The following EDN3 variants were observed in gnomAD, a reference collection of about 807,000 sequenced individuals.
The protein encoded by EDN3 is endothelin-3.
A neutral mutation model predicts 21.4 loss-of-function variants in EDN3; 9 were observed. That is an observed-to-expected ratio of 0.42 (90% confidence interval 0.25 to 0.73). The LOEUF (loss-of-function observed/expected upper bound fraction) is 0.73, where lower values mean the gene tolerates loss of function less well. Ranked by LOEUF, EDN3 falls within the 30% of genes least tolerant of loss-of-function variation. EDN3 has a pLI of 0.26. For missense variants in EDN3, 327 were observed against 309.4 expected (o/e 1.06, Z -0.43); for synonymous variants, 133 against 126.2 (o/e 1.05, Z -0.36).
intron 2 of EDN3, among the ~76,000 whole-genome samples, chr20:59,320,072 C>T (rs141993985): frequency 1.8e-4 from 27 of 152,342 alleles, no homozygotes; most frequent in Middle Eastern, 3.4e-3. Flanking sequence ...CCAGCTTCCA[C>T]GGGTTTTGCT....
chr20:59,324,225 G>A, intron 4 of EDN3, 106 bp from the exon 5 acceptor site: 2 of 1,400,984 alleles, frequency 1.4e-6, no homozygotes, highest in Non-Finnish European at 2.0e-6. Flanking sequence ...ACAGGCTGGA[G>A]AGGCAGTGGG....
chr20:59,323,857 A>T (rs1321943062), intron 4 of EDN3: 3 of 483,840 alleles, frequency 6.2e-6, no homozygotes, highest in African/African-American at 5.8e-5. Context: ...CATGTTCAAA[A>T]GATGCAATTG....
At chr20:59,320,021 T>C (rs1223582679) in intron 2 of EDN3, among the ~76,000 whole-genome samples, 3 of 152,236 alleles carry the variant, frequency 2.0e-5, no homozygotes, top group Admixed American at 2.0e-4. Context: ...ACCCCCTTTT[T>C]CTCTGGCAAG....
chr20:59,319,180 CCT>C lies in EDN3; in HGVS notation c.366-1834_366-1833del, dbSNP rs1990370404. ...GTCTCTGCCTGGAGGGATCCCACCA[CCT>C]CTGTTTCTGAGGAACTTGGGTGGGA... On this transcript the variant is annotated intron_variant, in intron 2 of 4. Transcript: ENST00000337938. Among the ~76,000 whole-genome samples, 5 of 152,150 alleles carry C rather than the reference CCT, an allele frequency of 3.3e-5. No homozygotes were observed. In the South Asian group the frequency reaches 1.0e-3, roughly 32 times the overall value.
intron 2 of EDN3, among the ~76,000 whole-genome samples, chr20:59,320,634 A>G (rs1990473327): frequency 6.6e-6 from 1 of 152,226 alleles, no homozygotes; most frequent in Non-Finnish European, 1.5e-5. Context: ...AAGCCCACCC[A>G]TGTTCACAGA....
In EDN3 at chr20:59,320,924, T is replaced by A. The variant is rs1446193770; in HGVS notation, c.366-93T>A. 5 of 1,398,390 alleles carry A rather than the reference T, an allele frequency of 3.6e-6. No individual in the cohort carries two copies. In the East Asian group the frequency reaches 1.1e-4, roughly 32 times the overall value. The allele number at this position is 1,398,390 out of a possible 1,614,324, so 86.6% of individuals were successfully genotyped here. ...GTGAACACCAGTTTCTGAGACCTTT[T>A]CAGCCAGGCGGTGGTTCTCGCTCCA... is the stretch of plus-strand genomic sequence containing the variant. On this transcript the variant is annotated intron_variant, in intron 2 of 4. Transcript: ENST00000337938.
chr20:59,301,259 A>G, intron 1 of EDN3, 151 bp from the exon 2 acceptor site: 1 of 936,530 alleles, frequency 1.1e-6, no homozygotes, highest in Non-Finnish European at 1.6e-6. Context: ...GAGTGTGCAG[A>G]TAGCTTGGAA....
At chr20:59,317,282 A>T (rs1990244137) in intron 2 of EDN3, among the ~76,000 whole-genome samples, 1 of 152,176 alleles carries the variant, frequency 6.6e-6, no homozygotes, top group Admixed American at 6.5e-5. Flanking sequence ...GAATGAGGTG[A>T]CCTGTGGCCT....
intron 4 of EDN3, among the ~76,000 whole-genome samples, 169 bp from the exon 5 acceptor site, chr20:59,324,162 C>T (rs555404954): frequency 3.3e-5 from 5 of 152,268 alleles, no homozygotes; most frequent in East Asian, 1.9e-4. Flanking sequence ...GTGGTAGGCT[C>T]GGAAATTGCT....
intron 2 of EDN3, among the ~76,000 whole-genome samples, chr20:59,315,844 A>C (rs1467372102): frequency 2.0e-5 from 3 of 152,170 alleles, no homozygotes; most frequent in Non-Finnish European, 4.4e-5. Flanking sequence ...TATTAGCACA[A>C]CTTCCAATTC....
chr20:59,307,407 G>A (rs923999160), intron 2 of EDN3, among the ~76,000 whole-genome samples: 2 of 152,190 alleles, frequency 1.3e-5, no homozygotes, highest in African/African-American at 4.8e-5. Flanking sequence ...CCCAGGAGGC[G>A]GAGTCAGTTG....
At chr20:59,307,328 C>T (rs947169957) in intron 2 of EDN3, among the ~76,000 whole-genome samples, 1 of 152,168 alleles carries the variant, frequency 6.6e-6, no homozygotes. Context: ...CATGTCATCT[C>T]ATGGGATCAG....
At chr20:59,317,793 G>T (rs958787402) in intron 2 of EDN3, among the ~76,000 whole-genome samples, 1 of 152,124 alleles carries the variant, frequency 6.6e-6, no homozygotes, top group African/African-American at 2.4e-5. Context: ...ATCCTGTCTC[G>T]CCAGACTAGA....
chr20:59,317,674 T>C (rs1223465642), intron 2 of EDN3, among the ~76,000 whole-genome samples: 1 of 152,246 alleles, frequency 6.6e-6, no homozygotes, highest in East Asian at 1.9e-4. Context: ...TGTGCCTTTC[T>C]GTGTCCCTGT....
At chr20:59,308,996 G>C (rs1989618790) in intron 2 of EDN3, among the ~76,000 whole-genome samples, 1 of 152,208 alleles carries the variant, frequency 6.6e-6, no homozygotes, top group African/African-American at 2.4e-5. Context: ...GTGCCTGGCT[G>C]TCTGCTGTTG....
chr20:59,316,204 A>G (rs1420035315), intron 2 of EDN3, among the ~76,000 whole-genome samples: 2 of 151,998 alleles, frequency 1.3e-5, no homozygotes, highest in Non-Finnish European at 2.9e-5. Context: ...ACAAAAACAA[A>G]ACACTGTTGA....
At position 59,320,183 on chromosome 20, in the gene EDN3, T is replaced by A. The variant is rs147111731; in HGVS notation, c.366-834T>A. 4.4e-3 allele frequency among the ~76,000 whole-genome samples: 666 copies of A among 152,338 alleles called. 8 individuals carry two copies. The highest frequency in any genetic ancestry group is 0.015 in the African/African-American group (626 of 41,566). ...ATCACGCGGCTCTTCTGAGGCTGGT[T>A]CCACTTTCAGCTGCATGGCCAGGCC... On this transcript the variant is annotated intron_variant, in intron 2 of 4. Transcript: ENST00000337938.
chr20:59,320,934 G>A (rs138594308), intron 2 of EDN3, 83 bp from the exon 3 acceptor site: 74 of 1,457,158 alleles, frequency 5.1e-5, no homozygotes, highest in Non-Finnish European at 6.3e-5. Context: ...TCAGCCAGGC[G>A]GTGGTTCTCG....
rs908361974 is a variant in EDN3, at chr20:59,301,665, A to T, written c.308A>T (p.Lys103Met). The part of the protein sequence containing the change: ...RSRRCTCFTY[K>M]DKECVYYCHL... ...AGGCGCTGCACGTGCTTCACCTACA[A>T]GGACAAGGAGTGTGTCTACTATTGC... Residue 103 changes from lysine to methionine, a missense_variant, in exon 2 of 5, where the codon AAG becomes ATG. Coordinates refer to ENST00000337938, the MANE Select transcript of EDN3 (RefSeq NM_207034.3). 1.2e-6 allele frequency: 2 copies of T among 1,614,086 alleles called. No individual in the cohort carries two copies. The highest frequency in any genetic ancestry group is 1.7e-6 in the Non-Finnish European group (2 of 1,180,032).
Sources: allele counts gnomAD v4.1 joint callset (sites outside exome capture counted in the v4.1 genomes callset), GRCh38; gene constraint gnomAD v4.1.1; transcripts MANE v1.5; gene names NCBI Gene and HGNC (gene_info 2026-07-23, HGNC 2026-07-21).